SPON1: variants seen among roughly 807,000 people sequenced by gnomAD.
The protein encoded by SPON1 is spondin-1.
A neutral mutation model predicts 111.7 loss-of-function variants in SPON1; 52 were observed. The observed-to-expected ratio is 0.47, with a 90% confidence interval of 0.37 to 0.59. The LOEUF is 0.59. Ranked by LOEUF, SPON1 falls within the 20% of genes least tolerant of loss-of-function variation. The pLI is 0.00. For synonymous variants in SPON1, 410 were observed against 395.8 expected, an observed-to-expected ratio of 1.04 and a Z score of -0.43; for missense variants, 957 against 1,068.5, an observed-to-expected ratio of 0.90 and a Z score of 1.46.
intron 3 of SPON1, among the ~76,000 whole-genome samples, chr11:14,044,873 A>T (rs1848656738): frequency 6.6e-6 from 1 of 152,218 alleles, no homozygotes; most frequent in South Asian, 2.1e-4. Context: ...GTACATACAA[A>T]GCTACCTCTT....
intron 6 of SPON1, among the ~76,000 whole-genome samples, chr11:14,209,999 C>G (rs1554936533): frequency 6.6e-6 from 1 of 152,202 alleles, no homozygotes; most frequent in African/African-American, 2.4e-5. Flanking sequence ...ATTTGCATTT[C>G]TCTAATGACC....
chr11:14,125,752 A>C (rs1591382325), intron 5 of SPON1, among the ~76,000 whole-genome samples: 2 of 152,326 alleles, frequency 1.3e-5, no homozygotes, highest in Non-Finnish European at 2.9e-5. Context: ...AATAAAATCA[A>C]TAGGGTATGT....
chr11:13,978,990 C>G (rs1591338405), intron 1 of SPON1, among the ~76,000 whole-genome samples: 2 of 152,164 alleles, frequency 1.3e-5, no homozygotes, highest in Admixed American at 1.3e-4. Flanking sequence ...GGCTGGGGTT[C>G]CCCGGAGGCT....
intron 2 of SPON1, among the ~76,000 whole-genome samples, chr11:13,994,605 G>A (rs1368959718): frequency 1.3e-5 from 2 of 152,176 alleles, no homozygotes; most frequent in Non-Finnish European, 2.9e-5. Flanking sequence ...CAAGATGAAA[G>A]CTAATGGAGG....
intron 2 of SPON1, among the ~76,000 whole-genome samples, chr11:14,023,106 T>C (rs1554914926): frequency 1.3e-5 from 2 of 151,912 alleles, no homozygotes; most frequent in Non-Finnish European, 2.9e-5. Flanking sequence ...GTGAGACAAA[T>C]GGTGGCAGGA....
intron 5 of SPON1, among the ~76,000 whole-genome samples, chr11:14,109,163 G>A (rs1165512158): frequency 6.6e-6 from 1 of 152,030 alleles, no homozygotes; most frequent in Non-Finnish European, 1.5e-5. Context: ...TGCCCTTCCA[G>A]CTATCTATTG....
chr11:14,061,153 A>G (rs1467263295), intron 3 of SPON1, among the ~76,000 whole-genome samples: 1 of 152,212 alleles, frequency 6.6e-6, no homozygotes, highest in African/African-American at 2.4e-5. Context: ...TCAGGGAAGA[A>G]ATTCACCTAC....
At chr11:14,227,315 T>C (rs1554938239) in intron 6 of SPON1, among the ~76,000 whole-genome samples, 2 of 152,206 alleles carry the variant, frequency 1.3e-5, no homozygotes, top group Admixed American at 6.5e-5. Context: ...CCAGCTTTAT[T>C]TCATTTATTA....
chr11:14,258,598 T>C (rs1398831924), intron 11 of SPON1, among the ~76,000 whole-genome samples: 2 of 151,946 alleles, frequency 1.3e-5, no homozygotes, highest in East Asian at 3.8e-4. Flanking sequence ...GACTGGTGTA[T>C]GGCAGGGAAA....
At chr11:14,075,478 A>G in intron 4 of SPON1, 60 bp downstream of exon 4, 1 of 1,233,516 alleles carries the variant, frequency 8.1e-7, no homozygotes, top group Non-Finnish European at 1.2e-6. Flanking sequence ...CTCCTCCTGC[A>G]CGATCCTCCT....
At chr11:14,263,395 G>C (rs541890731) in intron 15 of SPON1, among the ~76,000 whole-genome samples, 1 of 152,092 alleles carries the variant, frequency 6.6e-6, no homozygotes, top group Admixed American at 6.6e-5. Context: ...AAGGAGTCTT[G>C]TCTTGTTCAT....
intron 7 of SPON1, among the ~76,000 whole-genome samples, chr11:14,252,321 AGT>A (rs1418873576): frequency 1.3e-5 from 2 of 151,266 alleles, no homozygotes; most frequent in East Asian, 3.9e-4. Flanking sequence ...ACCTGCGCAG[AGT>A]GTGGGAATCC....
chr11:14,101,516 A>C (rs948981715), intron 5 of SPON1, among the ~76,000 whole-genome samples: 23 of 152,060 alleles, frequency 1.5e-4, no homozygotes, highest in Non-Finnish European at 2.8e-4. Flanking sequence ...ATTTTTTGTC[A>C]AATATTTCCC....
At chr11:14,049,155 G>C (rs905623466) in intron 3 of SPON1, among the ~76,000 whole-genome samples, 1 of 152,142 alleles carries the variant, frequency 6.6e-6, no homozygotes, top group Non-Finnish European at 1.5e-5. Context: ...AAGCATCTGG[G>C]CTCCCAAGTC....
chr11:14,142,570 A>G (rs1847668922), intron 6 of SPON1, among the ~76,000 whole-genome samples: 1 of 152,232 alleles, frequency 6.6e-6, no homozygotes, highest in South Asian at 2.1e-4. Flanking sequence ...ACTGCTTTGC[A>G]CATGCTCCCT....
At chr11:14,074,543 A>G (rs1406032497) in intron 3 of SPON1, among the ~76,000 whole-genome samples, 2 of 152,268 alleles carry the variant, frequency 1.3e-5, no homozygotes, top group African/African-American at 4.8e-5. Flanking sequence ...GAAAATCAGT[A>G]GAAGTGGTCC....
intron 5 of SPON1, among the ~76,000 whole-genome samples, chr11:14,109,693 C>G (rs1369741941): frequency 6.6e-6 from 1 of 152,118 alleles, no homozygotes; most frequent in Non-Finnish European, 1.5e-5. Context: ...ACTGGCTCCC[C>G]CAATAAAGGA....
intron 14 of SPON1, among the ~76,000 whole-genome samples, chr11:14,262,255 G>A (rs1474825219): frequency 6.6e-6 from 1 of 152,144 alleles, no homozygotes; most frequent in East Asian, 1.9e-4. Context: ...CAATGTCCTT[G>A]GTATTGGTCC....
chr11:14,012,020 T>C (rs1211776603), intron 2 of SPON1, among the ~76,000 whole-genome samples: 2 of 152,170 alleles, frequency 1.3e-5, no homozygotes. Flanking sequence ...TGGAAAGTGC[T>C]TAGCAGAGTC....
Sources: allele counts gnomAD v4.1 joint callset (sites outside exome capture counted in the v4.1 genomes callset), GRCh38; gene constraint gnomAD v4.1.1; transcripts MANE v1.5; gene names NCBI Gene and HGNC (gene_info 2026-07-23, HGNC 2026-07-21).